MAPT: variants seen among roughly 807,000 people sequenced by gnomAD.
MAPT encodes the protein microtubule associated protein tau.
In MAPT, 34 loss-of-function variants were observed where a neutral mutation model predicts 67.9. That is an observed-to-expected ratio of 0.50 (90% CI 0.38 to 0.67). The LOEUF is 0.67. MAPT is among the 30% of genes least tolerant of loss of function. The pLI is 0.00. For missense variants in MAPT, 881 were observed against 1,115.2 expected (o/e 0.79, Z 2.99); for synonymous variants, 456 against 464.5 (o/e 0.98, Z 0.23).
rs1044391675 is a variant in MAPT, at chr17:46,024,291, T to C, written c.*120T>C. The C allele has an allele frequency of 2.2e-6, 2 of 921,538 alleles. No homozygotes were observed. Among genetic ancestry groups the C allele is most frequent in the Admixed American group, 2.0e-5 (1 of 50,266 alleles). 57.1% of individuals were successfully genotyped at this position (921,538 alleles called of 1,614,324 possible). A position where few individuals can be genotyped will look rare whatever the true frequency, so the allele number is the denominator to read the frequency against. ...CAGCTGCTCCTCGCAGTTCGGTTAATTGGTTAATCACTTAACCTGCTTTTG... is the reference window on the plus strand; with the variant it reads ...CAGCTGCTCCTCGCAGTTCGGTTAACTGGTTAATCACTTAACCTGCTTTTG... On this transcript the variant is annotated 3_prime_UTR_variant, in exon 13 of 13. Transcript: ENST00000262410.
At chr17:45,970,990 A>G (rs1033574712) in intron 2 of MAPT, among the ~76,000 whole-genome samples, 2 of 152,254 alleles carry the variant, frequency 1.3e-5, no homozygotes, top group East Asian at 1.9e-4. Flanking sequence ...AGAATTCTCA[A>G]CCTTCCAGAG....
chr17:45,958,132 C>A (rs1055542007), intron 1 of MAPT, among the ~76,000 whole-genome samples: 14 of 151,994 alleles, frequency 9.2e-5, no homozygotes, highest in African/African-American at 3.1e-4. Context: ...CCATCTTAAA[C>A]CTAAAAATAT....
At chr17:45,964,201 T>G (rs111803763) in intron 2 of MAPT, among the ~76,000 whole-genome samples, 2,383 of 152,194 alleles carry the variant, frequency 0.016, 60 homozygotes, top group African/African-American at 0.047. Context: ...GTTTTGTTTT[T>G]TTTTGTTTTG....
At chr17:45,925,772 G>A (rs1163926933) in intron 1 of MAPT, among the ~76,000 whole-genome samples, 3 of 150,408 alleles carry the variant, frequency 2.0e-5, no homozygotes, top group Admixed American at 6.7e-5. Flanking sequence ...GGAAAAAAAT[G>A]TACAAACATA....
chr17:45,915,303 C>T lies in MAPT; in HGVS notation c.-18+20617C>T, dbSNP rs1028819868. On this transcript the variant is annotated intron_variant, in intron 1 of 12. Coordinates refer to ENST00000262410, the MANE Select transcript of MAPT (RefSeq NM_001377265.1). This position sits in a 1 kb window ranked among gnomAD's most constrained non-coding sequence, Gnocchi z 4.4. ...GGTGTGGGGGTGTGTGCTGTGTGAG[C>T]GTGTGTGAGTCTGTGTGTGTAGTGT... is the stretch of plus-strand genomic sequence containing the variant. Among the ~76,000 whole-genome samples the T allele has an allele frequency of 6.8e-6, 1 of 147,362 alleles. No homozygotes were observed. Among genetic ancestry groups the T allele is most frequent in the Non-Finnish European group, 1.5e-5 (1 of 66,678 alleles).
At chr17:46,007,519 ATAAAT>A (rs1568322927) in intron 9 of MAPT, among the ~76,000 whole-genome samples, 1 of 152,150 alleles carries the variant, frequency 6.6e-6, no homozygotes, top group African/African-American at 2.4e-5. Context: ...ATAAATAAAA[ATAAAT>A]TAAAATGTAA....
chr17:45,921,818 ACCT>A (rs1414581609), intron 1 of MAPT, among the ~76,000 whole-genome samples: 7 of 152,082 alleles, frequency 4.6e-5, no homozygotes, highest in African/African-American at 1.7e-4. Flanking sequence ...GGATTTTGAG[ACCT>A]TAGGGAAAGA....
At chr17:45,970,245 C>G (rs1053728118) in intron 2 of MAPT, among the ~76,000 whole-genome samples, 1 of 152,236 alleles carries the variant, frequency 6.6e-6, no homozygotes, top group Non-Finnish European at 1.5e-5. Flanking sequence ...TCCAATTACA[C>G]ATTCATACAC....
chr17:45,917,639 A>G, intron 1 of MAPT, among the ~76,000 whole-genome samples: 1 of 152,144 alleles, frequency 6.6e-6, no homozygotes, highest in African/African-American at 2.4e-5. Flanking sequence ...TGAAGTTAAT[A>G]AGGTTTTTCT....
chr17:45,927,806 C>T (rs940503583), intron 1 of MAPT, among the ~76,000 whole-genome samples: 4 of 151,886 alleles, frequency 2.6e-5, no homozygotes, highest in Non-Finnish European at 4.4e-5. Context: ...CGAGACCATC[C>T]TGGCTAACAT....
chr17:45,990,855 C>G (rs1343903380), intron 7 of MAPT, among the ~76,000 whole-genome samples: 1 of 152,182 alleles, frequency 6.6e-6, no homozygotes, highest in Non-Finnish European at 1.5e-5. Flanking sequence ...GCCCTAGTCC[C>G]TAGACTGTGC....
Position 45,996,022 on chromosome 17 carries a change from A to T in MAPT, c.1733-377A>T, listed in dbSNP as rs1387040539. On this transcript the variant is annotated intron_variant, in intron 8 of 12. Transcript: ENST00000262410. This position sits in a 1 kb window ranked among gnomAD's most constrained non-coding sequence, Gnocchi z 4.5. ...GGCCGCAGGGATTATAATTATTTCC[A>T]TTTTCAAATTAAGGCCTCTGAGCTC... Among the ~76,000 whole-genome samples, 1 of 152,058 alleles carries T rather than the reference A, an allele frequency of 6.6e-6. No homozygotes were observed. Among genetic ancestry groups the T allele is most frequent in the Non-Finnish European group, 1.5e-5 (1 of 68,004 alleles).
chr17:45,938,671 C>T (rs1274420342), intron 1 of MAPT, among the ~76,000 whole-genome samples: 1 of 152,052 alleles, frequency 6.6e-6, no homozygotes, highest in Non-Finnish European at 1.5e-5. Context: ...GAGACAAGGT[C>T]TCACTCTATG....
chr17:45,954,051 G>A (rs894090715), intron 1 of MAPT, among the ~76,000 whole-genome samples: 2 of 152,154 alleles, frequency 1.3e-5, no homozygotes, highest in Non-Finnish European at 2.9e-5. Context: ...GCCTAAAGAA[G>A]GAGTCTAAAA....
At position 45,983,738 on chromosome 17, in the gene MAPT, C is replaced by A. The variant is rs2145655785; in HGVS notation, c.1159C>A (p.Gln387Lys). ...TFHVEITPNV[Q>K]KEQAHSEEHL... ...TCACGTGGAAATCACACCCAACGTG[C>A]AGAAGGAGCAGGCGCACTCGGAGGA... The change falls in exon 5 of 13, where the codon CAG becomes AAG. Residue 387 changes from glutamine to lysine, a missense_variant. This residue lies in a region of MAPT where 687 missense variants were observed against 766.1 expected (regional missense o/e 0.90). Transcript: ENST00000262410. 1 of 1,614,186 alleles carries A rather than the reference C, an allele frequency of 6.2e-7. No individual in the cohort carries two copies. Among genetic ancestry groups the A allele is most frequent in the East Asian group, 2.2e-5 (1 of 44,862 alleles).
chr17:45,970,843 C>T (rs1257566877), intron 2 of MAPT, among the ~76,000 whole-genome samples: 1 of 152,210 alleles, frequency 6.6e-6, no homozygotes. Context: ...CATGGGCCTG[C>T]CCTGGAGTCT....
intron 12 of MAPT, among the ~76,000 whole-genome samples, chr17:46,020,390 G>C (rs904188642): frequency 6.6e-6 from 1 of 152,196 alleles, no homozygotes; most frequent in Non-Finnish European, 1.5e-5. Context: ...TTCTGCAGAA[G>C]CGCAGCCAAG....
chr17:45,955,016 A>G (rs1484804491), intron 1 of MAPT, among the ~76,000 whole-genome samples: 3 of 152,188 alleles, frequency 2.0e-5, no homozygotes, highest in Non-Finnish European at 4.4e-5. Context: ...AACAAAAAAA[A>G]ATTATAATGA....
chr17:45,916,124 C>T (rs1404263408), intron 1 of MAPT, among the ~76,000 whole-genome samples: 1 of 152,242 alleles, frequency 6.6e-6, no homozygotes, highest in Non-Finnish European at 1.5e-5. Context: ...CCCGGAGGGA[C>T]TGAGAGCGCA....
Sources: allele counts gnomAD v4.1 joint callset (sites outside exome capture counted in the v4.1 genomes callset), GRCh38; gene constraint gnomAD v4.1.1; regional missense constraint gnomAD v4.1.1; non-coding constraint Gnocchi (gnomAD v3.1); transcripts MANE v1.5; gene names NCBI Gene and HGNC (gene_info 2026-07-23, HGNC 2026-07-21).